EPB41: variants seen among roughly 807,000 people sequenced by gnomAD.
EPB41 encodes erythrocyte membrane protein band 4.1, also known as protein 4.1.
A neutral mutation model predicts 108.0 loss-of-function variants in EPB41; 65 were observed. The ratio of observed to expected loss-of-function variants is 0.60; its 90% CI spans 0.49 to 0.74. EPB41 has a LOEUF of 0.74. EPB41 is among the 30% of genes least tolerant of loss of function. The pLI, the probability that EPB41 is intolerant of heterozygous loss-of-function variation, is 0.00. For synonymous variants in EPB41, 336 were observed against 358.9 expected, an observed-to-expected ratio of 0.94 and a Z score of 0.72; for missense variants, 875 against 1,037.0, an observed-to-expected ratio of 0.84 and a Z score of 2.15.
intron 11 of EPB41, among the ~76,000 whole-genome samples, chr1:29,044,958 C>T (rs1423389963): frequency 6.6e-6 from 1 of 152,226 alleles, no homozygotes; most frequent in Non-Finnish European, 1.5e-5. Flanking sequence ...TTTCTGGTCT[C>T]TCTAATCTCT....
intron 1 of EPB41, among the ~76,000 whole-genome samples, chr1:28,921,021 A>G (rs2093031363): frequency 6.6e-6 from 1 of 152,172 alleles, no homozygotes; most frequent in South Asian, 2.1e-4. Context: ...CTCCTGTCTC[A>G]GCCACCTAAA....
intron 1 of EPB41, among the ~76,000 whole-genome samples, chr1:28,904,055 C>G (rs551538753): frequency 6.6e-6 from 1 of 152,010 alleles, no homozygotes; most frequent in East Asian, 1.9e-4. Flanking sequence ...TCAGTAGAGA[C>G]AGGGTTTCAC....
chr1:28,938,054 C>G (rs2094120367), intron 1 of EPB41, among the ~76,000 whole-genome samples: 3 of 152,208 alleles, frequency 2.0e-5, no homozygotes, highest in African/African-American at 4.8e-5. Context: ...TTCCGTTGAT[C>G]TACGTGTTTA....
chr1:28,999,924 C>G (rs2096262997), intron 4 of EPB41, among the ~76,000 whole-genome samples: 2 of 152,144 alleles, frequency 1.3e-5, no homozygotes, highest in African/African-American at 2.4e-5. Flanking sequence ...GCTGGGACCA[C>G]AGGCACGCAC....
In EPB41 at chr1:29,083,177, G is replaced by GA. The variant is rs144842989; in HGVS notation, c.2185-14620dup. On this transcript the variant is annotated intron_variant, in intron 16 of 20. Transcript: ENST00000343067. ...CTAGAAACTAATAGCATACAACCTT[G>GA]AAAAAAAAAAGGCGAGAGAGGGTAC... 3.6e-3 allele frequency among the ~76,000 whole-genome samples: 523 copies of GA among 144,800 alleles called. 12 individuals are homozygous for GA. In the East Asian group the frequency reaches 0.078, roughly 22 times the overall value. 95.0% of individuals were successfully genotyped at this position (144,800 alleles called of 152,430 possible).
chr1:29,021,815 C>G (rs111413215), intron 7 of EPB41, among the ~76,000 whole-genome samples: 96 of 152,292 alleles, frequency 6.3e-4, no homozygotes, highest in African/African-American at 2.3e-3. Flanking sequence ...ATCTCCTGAC[C>G]TCGTGATCCG....
At chr1:28,921,546 A>G (rs940233060) in intron 1 of EPB41, among the ~76,000 whole-genome samples, 1 of 152,008 alleles carries the variant, frequency 6.6e-6, no homozygotes, top group Non-Finnish European at 1.5e-5. Context: ...AAGGCAGCTT[A>G]AAGTAAAGGC....
intron 17 of EPB41, among the ~76,000 whole-genome samples, chr1:29,101,981 G>A (rs1665573459): frequency 6.6e-6 from 1 of 152,212 alleles, no homozygotes; most frequent in Non-Finnish European, 1.5e-5. Flanking sequence ...GTAAAGAACT[G>A]AAGTGTCTGA....
In EPB41 at chr1:29,039,253, G is replaced by T; in HGVS notation, c.1464-1G>T. Reference sequence around the variant, plus strand: ...TATGACTATTACGATTTTCCCCCCAGATTGACATCTACAGACACCATTCCC... The same window carrying T: ...TATGACTATTACGATTTTCCCCCCATATTGACATCTACAGACACCATTCCC... On this transcript the variant is annotated splice_acceptor_variant, in intron 10 of 20. Transcript: ENST00000343067. LOFTEE classifies it high-confidence loss of function. The T allele has an allele frequency of 6.2e-7, 1 of 1,613,810 alleles. No individual in the cohort carries two copies. Among genetic ancestry groups the T allele is most frequent in the Non-Finnish European group, 8.5e-7 (1 of 1,179,904 alleles).
chr1:28,940,334 T>C (rs1299042840), intron 1 of EPB41, among the ~76,000 whole-genome samples: 1 of 152,180 alleles, frequency 6.6e-6, no homozygotes, highest in Admixed American at 6.5e-5. Context: ...TAACCAGTTT[T>C]GATATTATGT....
Position 29,035,937 on chromosome 1 carries a change from TTAAG to T in EPB41, c.1463+17_1463+20del, listed in dbSNP as rs1423904400. 6.4e-7 allele frequency: 1 copy of T among 1,564,532 alleles called. No homozygotes were observed. The highest frequency in any genetic ancestry group is 8.8e-7 in the Non-Finnish European group (1 of 1,134,978). On this transcript the variant is annotated intron_variant, in intron 10 of 20. Transcript: ENST00000343067. ...CACGTTTTTCAGGTATTATTCTCACTTAAGTATTTTTCAAGGATAAATTATTTAT... is the reference window on the plus strand; with the variant it reads ...CACGTTTTTCAGGTATTATTCTCACTTATTTTTCAAGGATAAATTATTTAT...
chr1:29,049,223 G>T (rs1644064054), intron 11 of EPB41, among the ~76,000 whole-genome samples: 1 of 152,146 alleles, frequency 6.6e-6, no homozygotes, highest in South Asian at 2.1e-4. Flanking sequence ...TGATGACAAA[G>T]ATTATATTTT....
intron 7 of EPB41, among the ~76,000 whole-genome samples, chr1:29,027,195 T>C (rs1486218129): frequency 6.6e-6 from 1 of 152,176 alleles, no homozygotes; most frequent in Non-Finnish European, 1.5e-5. Context: ...GCAGTGCTAT[T>C]TACAGGTGTG....
chr1:29,064,663 G>A (rs1647039493), intron 15 of EPB41, among the ~76,000 whole-genome samples: 1 of 152,172 alleles, frequency 6.6e-6, no homozygotes, highest in Admixed American at 6.5e-5. Flanking sequence ...TTCTTGGGAT[G>A]AGAAGTTAGA....
chr1:28,933,975 T>C lies in EPB41; in HGVS notation c.-8+19207T>C, dbSNP rs76197626. Among the ~76,000 whole-genome samples, 1,471 of 152,314 alleles carry C rather than the reference T, an allele frequency of 9.7e-3. 9 individuals carry two copies. Among genetic ancestry groups the C allele is most frequent in the Non-Finnish European group, 0.018 (1,195 of 68,022 alleles). On this transcript the variant is annotated intron_variant, in intron 1 of 20. Coordinates refer to ENST00000343067, the MANE Select transcript of EPB41 (RefSeq NM_001376013.1). The stretch of plus-strand genomic sequence containing the variant: ...ATTGTTAACTAAAGTTCATATTTTA[T>C]TCAGATTTCCTCAGGTTTTTTTCCT...
At chr1:28,942,073 A>T (rs887966008) in intron 1 of EPB41, among the ~76,000 whole-genome samples, 2 of 152,030 alleles carry the variant, frequency 1.3e-5, no homozygotes, top group African/African-American at 4.8e-5. Context: ...CTTTTCATAA[A>T]TTTTTTATTT....
At chr1:28,967,138 C>T (rs2095377338) in intron 1 of EPB41, among the ~76,000 whole-genome samples, 1 of 150,618 alleles carries the variant, frequency 6.6e-6, no homozygotes, top group Non-Finnish European at 1.5e-5. Flanking sequence ...CCTGCCTCAG[C>T]CTCCTGAGTA....
At chr1:28,973,630 A>G (rs2095541458) in intron 1 of EPB41, among the ~76,000 whole-genome samples, 1 of 152,130 alleles carries the variant, frequency 6.6e-6, no homozygotes, top group African/African-American at 2.4e-5. Context: ...CCTAGTCTCA[A>G]GAGATACTCC....
At chr1:29,051,831 G>T (rs1299268945) in intron 11 of EPB41, among the ~76,000 whole-genome samples, 1 of 151,842 alleles carries the variant, frequency 6.6e-6, no homozygotes, top group Non-Finnish European at 1.5e-5. Context: ...CTGAGAGGCG[G>T]AGATTCTAGT....
Sources: allele counts gnomAD v4.1 joint callset (sites outside exome capture counted in the v4.1 genomes callset), GRCh38; gene constraint gnomAD v4.1.1; transcripts MANE v1.5; gene names NCBI Gene and HGNC (gene_info 2026-07-23, HGNC 2026-07-21).